The following GPC6 variants were observed in gnomAD, a reference collection of about 807,000 sequenced individuals.
GPC6 encodes glypican-6.
In GPC6, 14 loss-of-function variants were observed where a neutral mutation model predicts 55.2. That is an observed-to-expected ratio of 0.25 (90% confidence interval 0.17 to 0.40). The LOEUF is 0.40. Among genes scored for constraint, GPC6 ranks in the 10% least tolerant of loss-of-function variants. GPC6 has a pLI of 1.00. For synonymous variants in GPC6, 278 were observed against 259.6 expected, an observed-to-expected ratio of 1.07 and a Z score of -0.68; for missense variants, 641 against 708.5, an observed-to-expected ratio of 0.90 and a Z score of 1.08.
chr13:93,932,397 G>A (rs551245381), intron 3 of GPC6, among the ~76,000 whole-genome samples: 1 of 152,178 alleles, frequency 6.6e-6, no homozygotes, highest in South Asian at 2.1e-4. Context: ...CTAGATTGAT[G>A]TGGAAATCAC....
At chr13:93,332,659 G>T (rs1879894701) in intron 1 of GPC6, among the ~76,000 whole-genome samples, 1 of 152,012 alleles carries the variant, frequency 6.6e-6, no homozygotes, top group African/African-American at 2.4e-5. Context: ...CATTCTGTAG[G>T]TTATCTCTTC....
chr13:93,898,278 A>C (rs1876131944), intron 3 of GPC6, among the ~76,000 whole-genome samples: 1 of 152,164 alleles, frequency 6.6e-6, no homozygotes, highest in South Asian at 2.1e-4. Context: ...TGGTGCAATA[A>C]ATACGGCATT....
chr13:94,328,437 G>T (rs911041950), intron 6 of GPC6, among the ~76,000 whole-genome samples: 2 of 152,218 alleles, frequency 1.3e-5, no homozygotes, highest in Non-Finnish European at 2.9e-5. Flanking sequence ...GAGGTTTCCA[G>T]TGGAGAGAGG....
chr13:93,987,510 A>G (rs1881084845), intron 3 of GPC6, among the ~76,000 whole-genome samples: 1 of 152,238 alleles, frequency 6.6e-6, no homozygotes. Flanking sequence ...TAGAAAATGT[A>G]AAATAATTTT....
chr13:93,939,887 A>G (rs896355557), intron 3 of GPC6, among the ~76,000 whole-genome samples: 1 of 152,162 alleles, frequency 6.6e-6, no homozygotes, highest in African/African-American at 2.4e-5. Flanking sequence ...TTTTTTTCAG[A>G]CAGGGAAACC....
At chr13:93,336,484 C>A (rs1331913693) in intron 1 of GPC6, among the ~76,000 whole-genome samples, 1 of 152,114 alleles carries the variant, frequency 6.6e-6, no homozygotes, top group Admixed American at 6.6e-5. Context: ...AAAATGATGA[C>A]CTGTTAACTC....
intron 2 of GPC6, among the ~76,000 whole-genome samples, chr13:93,796,513 G>GA (rs1051907027): frequency 5.3e-5 from 8 of 151,568 alleles, no homozygotes; most frequent in South Asian, 4.2e-4. Context: ...GAAGTTTTTT[G>GA]AAAAAAATGA....
chr13:93,582,334 T>C (rs942541073), intron 2 of GPC6, among the ~76,000 whole-genome samples: 4 of 152,214 alleles, frequency 2.6e-5, no homozygotes, highest in African/African-American at 4.8e-5. Context: ...AAAAGCTGTA[T>C]GCTCTGGAAC....
chr13:93,684,564 A>G (rs75145368), intron 2 of GPC6, among the ~76,000 whole-genome samples: 1 of 152,156 alleles, frequency 6.6e-6, no homozygotes, highest in Non-Finnish European at 1.5e-5. Flanking sequence ...TGCTGACTCA[A>G]ATGTCATGTT....
intron 1 of GPC6, among the ~76,000 whole-genome samples, chr13:93,250,823 G>A (rs968657169): frequency 1.3e-5 from 2 of 152,200 alleles, no homozygotes; most frequent in African/African-American, 4.8e-5. Context: ...GAAACTGGGT[G>A]TATTAGTTTG....
intron 1 of GPC6, among the ~76,000 whole-genome samples, chr13:93,368,616 A>G (rs971187268): frequency 6.6e-6 from 1 of 151,832 alleles, no homozygotes; most frequent in Non-Finnish European, 1.5e-5. Context: ...TTTCCCTCAA[A>G]TCATTCTTAT....
chr13:94,233,515 G>A (rs1890790889), intron 4 of GPC6, among the ~76,000 whole-genome samples: 1 of 152,082 alleles, frequency 6.6e-6, no homozygotes, highest in African/African-American at 2.4e-5. Context: ...CAATGCATAC[G>A]TTTTAAGTTT....
chr13:94,325,926 C>G lies in GPC6; in HGVS notation c.1152+19803C>G, dbSNP rs542090740. On this transcript the variant is annotated intron_variant, in intron 6 of 8. Coordinates refer to ENST00000377047, the MANE Select transcript of GPC6 (RefSeq NM_005708.5). ...GACCATGACCTCCTTCCCTCAAAGA[C>G]GCTCCTTCGTGGTGGTCACATGGGG... Among the ~76,000 whole-genome samples, 169 of 152,276 alleles carry G rather than the reference C, an allele frequency of 1.1e-3. 1 individual carries two copies. The highest frequency in any genetic ancestry group is 6.8e-3 in the Middle Eastern group (2 of 294).
chr13:93,742,293 T>G (rs1050474346), intron 2 of GPC6, among the ~76,000 whole-genome samples: 5 of 152,192 alleles, frequency 3.3e-5, no homozygotes, highest in Non-Finnish European at 7.3e-5. Context: ...TTAACTCATT[T>G]GATGCTGGCC....
intron 1 of GPC6, among the ~76,000 whole-genome samples, chr13:93,270,252 TAA>T (rs5805797): frequency 4.2e-5 from 6 of 141,664 alleles, no homozygotes; most frequent in Admixed American, 7.0e-5. Flanking sequence ...CTTTTCTCCT[TAA>T]AAAAAAAAAA....
At chr13:93,937,031 G>C (rs914552088) in intron 3 of GPC6, among the ~76,000 whole-genome samples, 1 of 152,222 alleles carries the variant, frequency 6.6e-6, no homozygotes, top group Non-Finnish European at 1.5e-5. Context: ...CAATAAGGTA[G>C]TAGAGAAAGC....
intron 3 of GPC6, among the ~76,000 whole-genome samples, chr13:93,880,455 T>A (rs997305229): frequency 6.2e-4 from 95 of 152,002 alleles, no homozygotes; most frequent in Non-Finnish European, 2.2e-4. Context: ...CTCAGCAAAC[T>A]ATCGCAAGAA....
chr13:93,649,718 A>G (rs1363506047), intron 2 of GPC6, among the ~76,000 whole-genome samples: 1 of 152,198 alleles, frequency 6.6e-6, no homozygotes, highest in Non-Finnish European at 1.5e-5. Flanking sequence ...CAGATAAAGT[A>G]CCACATATGT....
rs35301097 is a variant in GPC6, at chr13:93,553,972, T to TAAAA, written c.319+8566_319+8569dup. On this transcript the variant is annotated intron_variant, in intron 2 of 8. Coordinates refer to ENST00000377047, the MANE Select transcript of GPC6 (RefSeq NM_005708.5). ...CAACATGGTAAAACTCCGTCTCTAC[T>TAAAA]AAAAAAAAAAAAAAAAAATACAAAA... is the stretch of plus-strand genomic sequence containing the variant. 1.2e-4 allele frequency among the ~76,000 whole-genome samples: 16 copies of TAAAA among 134,158 alleles called. 1 individual carries two copies. The highest frequency in any genetic ancestry group is 4.6e-4 in the African/African-American group (16 of 34,900). 88.0% of individuals were successfully genotyped at this position (134,158 alleles called of 152,430 possible).
Sources: allele counts gnomAD v4.1 joint callset (sites outside exome capture counted in the v4.1 genomes callset), GRCh38; gene constraint gnomAD v4.1.1; transcripts MANE v1.5; gene names NCBI Gene and HGNC (gene_info 2026-07-23, HGNC 2026-07-21).